Variants in TENM4 observed in about 807,000 individuals in gnomAD.
TENM4 encodes the protein teneurin-4.
Under a neutral mutation model 243.3 loss-of-function variants are expected in TENM4, and 82 were observed. That is an observed-to-expected ratio of 0.34 (90% confidence interval 0.28 to 0.40). The LOEUF (loss-of-function observed/expected upper bound fraction) is 0.40. TENM4 is among the 10% of genes least tolerant of loss of function. The pLI is 1.00. For synonymous variants in TENM4, 1,412 were observed against 1,456.3 expected, an observed-to-expected ratio of 0.97 and a Z score of 0.69; for missense variants, 3,138 against 3,673.3, an observed-to-expected ratio of 0.85 and a Z score of 3.77.
intron 9 of TENM4, among the ~76,000 whole-genome samples, chr11:78,885,392 A>T (rs928488341): frequency 6.6e-6 from 1 of 152,164 alleles, no homozygotes; most frequent in Non-Finnish European, 1.5e-5. Flanking sequence ...CTCTGAAGAG[A>T]TCCCACAGCT....
intron 2 of TENM4, among the ~76,000 whole-genome samples, chr11:79,243,590 G>C (rs796468895): frequency 6.6e-5 from 10 of 152,310 alleles, no homozygotes; most frequent in African/African-American, 2.2e-4. Flanking sequence ...AGGGAGGGCT[G>C]CAAGAACACA....
At chr11:78,850,993 G>C (rs1168949042) in intron 12 of TENM4, among the ~76,000 whole-genome samples, 1 of 152,134 alleles carries the variant, frequency 6.6e-6, no homozygotes, top group Non-Finnish European at 1.5e-5. Context: ...GGATCCCCTG[G>C]GCTTCACCGC....
chr11:78,743,459 A>G (rs1049667971), intron 19 of TENM4, among the ~76,000 whole-genome samples: 1 of 152,174 alleles, frequency 6.6e-6, no homozygotes, highest in Non-Finnish European at 1.5e-5. Flanking sequence ...GTTCTTGATA[A>G]ATTATTTATG....
chr11:79,256,565 G>T (rs1156402963), intron 2 of TENM4, among the ~76,000 whole-genome samples: 6 of 152,178 alleles, frequency 3.9e-5, no homozygotes, highest in Non-Finnish European at 7.3e-5. Context: ...TCTGCAAAAT[G>T]GTGTCACCTA....
chr11:79,205,038 G>T lies in TENM4; in HGVS notation c.-163+10770C>A, dbSNP rs191001840. Among the ~76,000 whole-genome samples, 14 of 152,314 alleles carry T rather than the reference G, an allele frequency of 9.2e-5. No individual in the cohort carries two copies. The East Asian group carries it at 2.5e-3, about 27-fold the overall frequency. ...TGGGAATGAGCAATACTAAATTCCA[G>T]ATACTTGTTGCCTCTTAGGAAGGAG... On this transcript the variant is annotated intron_variant, in intron 3 of 33. Coordinates refer to ENST00000278550, the MANE Select transcript of TENM4 (RefSeq NM_001098816.3).
chr11:78,951,520 T>G (rs1036726738), intron 6 of TENM4, among the ~76,000 whole-genome samples: 1 of 152,230 alleles, frequency 6.6e-6, no homozygotes, highest in Admixed American at 6.5e-5. Context: ...ACTAGGTTGC[T>G]TAAATAATAG....
At chr11:78,665,642 A>ATC (rs1858139151) in intron 32 of TENM4, among the ~76,000 whole-genome samples, 1 of 152,220 alleles carries the variant, frequency 6.6e-6, no homozygotes. Flanking sequence ...AGGGTTTTGG[A>ATC]ATCAGAGCAG....
chr11:79,187,182 G>C (rs1197441834), intron 3 of TENM4, among the ~76,000 whole-genome samples: 3 of 152,186 alleles, frequency 2.0e-5, no homozygotes, highest in African/African-American at 7.2e-5. Context: ...AACGACTTGA[G>C]CCTCATCTAT....
chr11:79,320,170 G>A (rs1856864665), intron 1 of TENM4, among the ~76,000 whole-genome samples: 1 of 152,152 alleles, frequency 6.6e-6, no homozygotes, highest in Admixed American at 6.5e-5. Context: ...GAGTGAAACT[G>A]GATGCAAGCG....
At chr11:78,719,687 G>A (rs189896654) in intron 25 of TENM4, among the ~76,000 whole-genome samples, 20 of 152,344 alleles carry the variant, frequency 1.3e-4, no homozygotes, top group African/African-American at 4.8e-4. Context: ...ACTCTGAGGT[G>A]ACTGCTATCC....
intron 4 of TENM4, among the ~76,000 whole-genome samples, chr11:79,091,696 A>C (rs1860955410): frequency 6.6e-6 from 1 of 152,138 alleles, no homozygotes; most frequent in Non-Finnish European, 1.5e-5. Context: ...CTCCTATGAC[A>C]CTGAGGTCTG....
At chr11:78,961,679 A>C (rs1423991173) in intron 6 of TENM4, among the ~76,000 whole-genome samples, 1 of 152,198 alleles carries the variant, frequency 6.6e-6, no homozygotes, top group East Asian at 1.9e-4. Context: ...TTTCCAGTGA[A>C]AATGGGGACA....
chr11:79,193,547 C>T lies in TENM4; in HGVS notation c.-163+22261G>A, dbSNP rs536066863. Among the ~76,000 whole-genome samples the T allele has an allele frequency of 6.6e-5, 10 of 152,244 alleles. No homozygotes were observed. The East Asian group carries it at 9.7e-4, about 15-fold the overall frequency. The stretch of plus-strand genomic sequence containing the variant: ...CTGCAAGTCATGGTCTCTTTTTGTC[C>T]TTCACCTGCTGAGTGACGAGTTGGG... On this transcript the variant is annotated intron_variant, in intron 3 of 33. Coordinates refer to ENST00000278550, the MANE Select transcript of TENM4 (RefSeq NM_001098816.3).
At chr11:79,129,977 G>A (rs1363945587) in intron 4 of TENM4, among the ~76,000 whole-genome samples, 1 of 152,106 alleles carries the variant, frequency 6.6e-6, no homozygotes, top group African/African-American at 2.4e-5. Flanking sequence ...CCCTCACAGA[G>A]TCCATTGCAA....
intron 2 of TENM4, among the ~76,000 whole-genome samples, chr11:79,286,300 T>C (rs1159597954): frequency 6.6e-6 from 1 of 152,156 alleles, no homozygotes; most frequent in Non-Finnish European, 1.5e-5. Context: ...CTTGCTCTAC[T>C]AGTTACTATG....
At chr11:79,362,079 G>C (rs987960812) in intron 1 of TENM4, among the ~76,000 whole-genome samples, 13 of 152,154 alleles carry the variant, frequency 8.5e-5, no homozygotes, top group Admixed American at 7.9e-4. Context: ...TAGGAAAAAG[G>C]GTTGTTCCAA....
intron 12 of TENM4, among the ~76,000 whole-genome samples, chr11:78,835,226 G>A (rs1042634367): frequency 8.5e-5 from 13 of 152,172 alleles, no homozygotes; most frequent in Non-Finnish European, 1.6e-4. Context: ...ACAGCACACT[G>A]GCCGGGCACA....
chr11:79,222,172 G>A (rs949728428), intron 2 of TENM4, among the ~76,000 whole-genome samples: 7 of 152,218 alleles, frequency 4.6e-5, no homozygotes, highest in African/African-American at 9.6e-5. Context: ...GTCAGCGAGA[G>A]GGTCAAGGGG....
chr11:78,752,150 G>A (rs1435973810), intron 19 of TENM4, among the ~76,000 whole-genome samples: 2 of 152,202 alleles, frequency 1.3e-5, no homozygotes, highest in Non-Finnish European at 2.9e-5. Flanking sequence ...TAGAGCTACT[G>A]TATTCATTAA....
Sources: allele counts gnomAD v4.1 joint callset (sites outside exome capture counted in the v4.1 genomes callset), GRCh38; gene constraint gnomAD v4.1.1; transcripts MANE v1.5; gene names NCBI Gene and HGNC (gene_info 2026-07-23, HGNC 2026-07-21).